Variants in ROBO2 observed in about 807,000 individuals in gnomAD.
ROBO2 encodes the protein roundabout guidance receptor 2, also known as roundabout homolog 2.
In ROBO2, 53 loss-of-function variants were observed where a neutral mutation model predicts 160.8. The ratio of observed to expected loss-of-function variants is 0.33; its 90% CI spans 0.26 to 0.41. The LOEUF (loss-of-function observed/expected upper bound fraction) is 0.41, where lower values mean the gene tolerates loss of function less well. ROBO2 is among the 10% of genes least tolerant of loss of function. The probability of loss-of-function intolerance (pLI) is 1.00; values close to 1 mark genes in which losing one functional copy is unlikely to be tolerated. For missense variants in ROBO2, 1,577 were observed against 1,722.4 expected (o/e 0.92, Z 1.49); for synonymous variants, 664 against 611.7 (o/e 1.09, Z -1.26).
intron 2 of ROBO2, among the ~76,000 whole-genome samples, chr3:76,289,967 T>A (rs771998066): frequency 6.6e-6 from 1 of 152,174 alleles, no homozygotes; most frequent in Non-Finnish European, 1.5e-5. Context: ...TTTATTTGAT[T>A]AGTCAGGCTC....
At chr3:76,186,465 C>T (rs1345692020) in intron 2 of ROBO2, among the ~76,000 whole-genome samples, 1 of 151,950 alleles carries the variant, frequency 6.6e-6, no homozygotes, top group Non-Finnish European at 1.5e-5. Flanking sequence ...CAGCACTAAA[C>T]CTAAAACTCA....
intron 2 of ROBO2, among the ~76,000 whole-genome samples, chr3:77,347,176 A>G (rs1210102345): frequency 6.6e-6 from 1 of 152,160 alleles, no homozygotes; most frequent in Non-Finnish European, 1.5e-5. Context: ...GGAATCATGG[A>G]AAGATCTGGA....
intron 2 of ROBO2, among the ~76,000 whole-genome samples, chr3:77,215,532 C>T (rs985971315): frequency 3.3e-5 from 5 of 152,102 alleles, no homozygotes; most frequent in African/African-American, 4.8e-5. Flanking sequence ...TACACTTCCT[C>T]CTTTAGCTCA....
chr3:76,463,571 G>A lies in ROBO2; in HGVS notation c.109+525969G>A, dbSNP rs377364751. Among the ~76,000 whole-genome samples the A allele has an allele frequency of 1.7e-4, 26 of 151,954 alleles. No individual in the cohort carries two copies. In the South Asian group the frequency reaches 2.1e-3, roughly 12 times the overall value. ...CCAAACCTTTTTTCTCAGGAAATTTGAGCCCTTAGTTGTCTTTTTATTTAT... is the reference window on the plus strand; with the variant it reads ...CCAAACCTTTTTTCTCAGGAAATTTAAGCCCTTAGTTGTCTTTTTATTTAT... On this transcript the variant is annotated intron_variant, in intron 2 of 26. Coordinates refer to the ROBO2 transcript ENST00000487694.
chr3:76,777,347 C>A (rs530995299), intron 2 of ROBO2, among the ~76,000 whole-genome samples: 99 of 151,042 alleles, frequency 6.6e-4, no homozygotes, highest in Non-Finnish European at 1.2e-3. Context: ...ATATTATGGA[C>A]AGAAATGATT....
At chr3:76,713,230 C>G (rs1444456253) in intron 2 of ROBO2, among the ~76,000 whole-genome samples, 1 of 152,122 alleles carries the variant, frequency 6.6e-6, no homozygotes, top group Non-Finnish European at 1.5e-5. Context: ...TTGAGAATTT[C>G]AAAATCTTTA....
chr3:77,436,831 C>T (rs373884026), intron 2 of ROBO2, among the ~76,000 whole-genome samples: 38 of 151,926 alleles, frequency 2.5e-4, no homozygotes, highest in Middle Eastern at 3.4e-3. Flanking sequence ...AGGAAAGAAA[C>T]TATTATAGCC....
intron 2 of ROBO2, among the ~76,000 whole-genome samples, chr3:76,975,917 C>G (rs992986807): frequency 6.6e-6 from 1 of 152,052 alleles, no homozygotes; most frequent in Non-Finnish European, 1.5e-5. Flanking sequence ...TTAGCTGTGA[C>G]ACAGATATAA....
At chr3:77,508,173 T>C (rs77005546) in intron 5 of ROBO2, among the ~76,000 whole-genome samples, 2,007 of 151,652 alleles carry the variant, frequency 0.013, 40 homozygotes, top group African/African-American at 0.047. Context: ...TCAATAATTG[T>C]TCTGATTTTC....
At chr3:77,467,381 G>C (rs1041974714) in intron 2 of ROBO2, among the ~76,000 whole-genome samples, 2 of 152,110 alleles carry the variant, frequency 1.3e-5, no homozygotes, top group Non-Finnish European at 2.9e-5. Flanking sequence ...AGAAGCAGTA[G>C]GGAAACCAGG....
chr3:77,210,448 A>T (rs1235529753), intron 2 of ROBO2, among the ~76,000 whole-genome samples: 1 of 152,182 alleles, frequency 6.6e-6, no homozygotes, highest in Non-Finnish European at 1.5e-5. Context: ...ATATAACAAT[A>T]CAATATACCC....
intron 2 of ROBO2, among the ~76,000 whole-genome samples, chr3:76,535,035 G>C (rs2082419219): frequency 1.3e-5 from 2 of 152,040 alleles, no homozygotes; most frequent in Non-Finnish European, 2.9e-5. Flanking sequence ...GACAGTCTGG[G>C]TGAGTTGCTG....
chr3:77,396,224 A>G (rs1023511425), intron 2 of ROBO2, among the ~76,000 whole-genome samples: 1 of 152,080 alleles, frequency 6.6e-6, no homozygotes. Flanking sequence ...GGTAATATGC[A>G]TATTTCCAAT....
chr3:77,615,875 T>C (rs2094764132), intron 21 of ROBO2, among the ~76,000 whole-genome samples: 1 of 152,148 alleles, frequency 6.6e-6, no homozygotes, highest in Non-Finnish European at 1.5e-5. Context: ...TATTCAAGAA[T>C]CATCCGGACA....
At chr3:77,296,171 A>T (rs1167494458) in intron 2 of ROBO2, among the ~76,000 whole-genome samples, 1 of 151,548 alleles carries the variant, frequency 6.6e-6, no homozygotes, top group Non-Finnish European at 1.5e-5. Flanking sequence ...GAGTAAGCTG[A>T]GGCTAGATCA....
At chr3:77,306,658 T>C (rs1339736856) in intron 2 of ROBO2, among the ~76,000 whole-genome samples, 1 of 152,164 alleles carries the variant, frequency 6.6e-6, no homozygotes, top group East Asian at 1.9e-4. Flanking sequence ...TGGAGACATA[T>C]ACCACATAGC....
chr3:75,916,887 A>G (rs984328418), intron 1 of ROBO2, among the ~76,000 whole-genome samples: 7 of 152,058 alleles, frequency 4.6e-5, no homozygotes, highest in Non-Finnish European at 7.4e-5. Flanking sequence ...GTACATATAT[A>G]TGTTACAAAT....
At chr3:76,544,526 T>A (rs950520379) in intron 2 of ROBO2, among the ~76,000 whole-genome samples, 1 of 152,044 alleles carries the variant, frequency 6.6e-6, no homozygotes, top group Non-Finnish European at 1.5e-5. Context: ...TGTATTCCAT[T>A]TTTCTGCATC....
intron 2 of ROBO2, among the ~76,000 whole-genome samples, chr3:76,806,000 A>G (rs961174283): frequency 6.6e-6 from 1 of 151,720 alleles, no homozygotes; most frequent in Non-Finnish European, 1.5e-5. Context: ...TTCTTAATGC[A>G]TTACACGGTT....
Sources: gnomAD v4.1 joint callset for allele counts (sites outside exome capture counted in the v4.1 genomes callset) on GRCh38, gnomAD v4.1.1 for gene constraint, MANE v1.5 for transcripts, NCBI Gene and HGNC (gene_info 2026-07-23, HGNC 2026-07-21) for gene names.